PDIA6: variants seen among roughly 807,000 people sequenced by gnomAD.
PDIA6 encodes protein disulfide isomerase family A member 6.
A neutral mutation model predicts 58.4 loss-of-function variants in PDIA6; 29 were observed. The ratio of observed to expected loss-of-function variants is 0.50; its 90% CI spans 0.37 to 0.68. The LOEUF (loss-of-function observed/expected upper bound fraction) is 0.68. Ranked by LOEUF, PDIA6 falls within the 30% of genes least tolerant of loss-of-function variation. The pLI, the probability that PDIA6 is intolerant of heterozygous loss-of-function variation, is 0.00. For synonymous variants in PDIA6, 192 were observed against 202.6 expected, an observed-to-expected ratio of 0.95 and a Z score of 0.44; for missense variants, 480 against 551.0, an observed-to-expected ratio of 0.87 and a Z score of 1.29.
At position 10,812,744 on chromosome 2, in the gene PDIA6, C is replaced by T; in HGVS notation, c.-48G>A. ...GTCCCCACCGCCGCCGCCGCTTCAG[C>T]CCTGCAGCGTGCCGCACGCCGCGCC... On this transcript the variant is annotated 5_prime_UTR_variant, in exon 1 of 13. Coordinates refer to ENST00000272227, the MANE Select transcript of PDIA6 (RefSeq NM_005742.4). 6.9e-7 allele frequency: 1 copy of T among 1,446,642 alleles called. No homozygotes were observed. The highest frequency in any genetic ancestry group is 3.0e-5 in the East Asian group (1 of 33,088). 89.6% of individuals were successfully genotyped at this position (1,446,642 alleles called of 1,614,324 possible).
rs564022362 is a variant in PDIA6, at chr2:10,796,300, G to A, written c.346+781C>T. ...GATCTCCTGACCTCGTGATCCGCCC[G>A]TCTTGGCCTCCCAAAGTGCTGGGAT... On this transcript the variant is annotated intron_variant, in intron 4 of 12. Transcript: ENST00000272227. 2.0e-3 allele frequency among the ~76,000 whole-genome samples: 305 copies of A among 152,100 alleles called. 1 individual carries two copies. The highest frequency in any genetic ancestry group is 6.5e-3 in the African/African-American group (271 of 41,516).
chr2:10,800,767 A>T (rs1289293699), intron 2 of PDIA6, among the ~76,000 whole-genome samples: 2 of 151,878 alleles, frequency 1.3e-5, no homozygotes, highest in African/African-American at 2.4e-5. Flanking sequence ...CGTCTGGGTA[A>T]TTTGTTTCTT....
intron 2 of PDIA6, among the ~76,000 whole-genome samples, chr2:10,800,853 T>C (rs1734355): frequency 0.49 from 74,166 of 151,962 alleles, 19,645 homozygotes; most frequent in South Asian, 0.58. Flanking sequence ...TCAAGCAATT[T>C]ACCCACCGTG....
In PDIA6 at chr2:10,787,410, G is replaced by A. The variant is rs747925474; in HGVS notation, c.1028C>T (p.Ser343Phe). 1 of 1,613,950 alleles carries A rather than the reference G, an allele frequency of 6.2e-7. No individual in the cohort carries two copies. The highest frequency in any genetic ancestry group is 2.2e-5 in the East Asian group (1 of 44,872). Residue 343 changes from serine (S) to phenylalanine (F), a missense_variant, in exon 11 of 13, where the codon TCT becomes TTT. Physicochemically the swap from Ser to Phe is radical, Grantham distance 155. Coordinates refer to ENST00000272227, the MANE Select transcript of PDIA6 (RefSeq NM_005742.4). ...AATCCCCAACGCGGTCTCAAGTTCA[G>A]ACTGGGCTCCAGCTTCTGTCCACAG... ...GWLWTEAGAQ[S>F]ELETALGIGG...
intron 1 of PDIA6, among the ~76,000 whole-genome samples, chr2:10,824,715 A>C (rs1667501295): frequency 6.6e-6 from 1 of 152,258 alleles, no homozygotes; most frequent in South Asian, 2.1e-4. Flanking sequence ...GTCACGGAGA[A>C]ATGGAGACAA....
chr2:10,784,471 C>A (rs552175852), intron 12 of PDIA6, 145 bp from the exon 13 acceptor site: 3 of 590,748 alleles, frequency 5.1e-6, no homozygotes, highest in African/African-American at 1.9e-5. Context: ...CCCTGACCTT[C>A]GTACCTATGA....
upstream of PDIA6, among the ~76,000 whole-genome samples, chr2:10,834,607 T>C (rs1444839882): frequency 6.6e-6 from 1 of 151,932 alleles, no homozygotes; most frequent in African/African-American, 2.4e-5. Flanking sequence ...CAGGTCCTTC[T>C]TTGTTATGAA....
At position 10,819,903 on chromosome 2, in the gene PDIA6, G is replaced by A. The variant is rs184032507; in HGVS notation, c.-47-549C>T. Reference sequence around the variant, plus strand: ...GTGCCCTCTCTTGTTGCAGTGATCCGAGAAGCCCGCCTCTGCTGGTCTGCA... The same window carrying A: ...GTGCCCTCTCTTGTTGCAGTGATCCAAGAAGCCCGCCTCTGCTGGTCTGCA... On this transcript the variant is annotated intron_variant, in intron 1 of 13. Transcript: ENST00000381611. Among the ~76,000 whole-genome samples, 353 of 152,274 alleles carry A rather than the reference G, an allele frequency of 2.3e-3. 6 individuals are homozygous for A. The highest frequency in any genetic ancestry group is 5.6e-3 in the Admixed American group (85 of 15,292).
intron 10 of PDIA6, among the ~76,000 whole-genome samples, chr2:10,787,991 G>A (rs980786991): frequency 4.0e-5 from 6 of 151,448 alleles, no homozygotes; most frequent in South Asian, 2.1e-4. Flanking sequence ...TTTTGAACCC[G>A]GGAGGCGGAG....
At chr2:10,810,304 A>G in intron 1 of PDIA6, 1 of 1,534,874 alleles carries the variant, frequency 6.5e-7, no homozygotes, top group Non-Finnish European at 8.7e-7. Flanking sequence ...ATGCAGGGGT[A>G]TAATCCACAG....
At chr2:10,811,726 A>G (rs749383614) in intron 1 of PDIA6, among the ~76,000 whole-genome samples, 6 of 152,202 alleles carry the variant, frequency 3.9e-5, no homozygotes, top group Non-Finnish European at 7.4e-5. Context: ...CCCGGCAAGG[A>G]CAGGACCCTC....
chr2:10,785,561 C>T (rs1024733302), intron 11 of PDIA6, among the ~76,000 whole-genome samples: 5 of 152,020 alleles, frequency 3.3e-5, no homozygotes, highest in Admixed American at 3.3e-4. Flanking sequence ...TAGAGTTCAC[C>T]AAACAACTCA....
At chr2:10,786,401 C>G (rs181065525) in intron 11 of PDIA6, among the ~76,000 whole-genome samples, 1 of 152,082 alleles carries the variant, frequency 6.6e-6, no homozygotes, top group Non-Finnish European at 1.5e-5. Context: ...CAGTCTGCCC[C>G]CCGCCGGCAG....
upstream of PDIA6, among the ~76,000 whole-genome samples, chr2:10,813,007 C>T (rs1271352186): frequency 6.6e-6 from 1 of 152,142 alleles, no homozygotes. Context: ...GCAGTCTCGG[C>T]TCGCACCGCC....
intron 4 of PDIA6, 104 bp downstream of exon 4, chr2:10,796,977 C>T: frequency 1.1e-6 from 1 of 905,970 alleles, no homozygotes; most frequent in Non-Finnish European, 1.8e-6. Context: ...AATTCAGGTA[C>T]AATGAGGTTG....
chr2:10,822,373 C>T (rs1667423465), intron 1 of PDIA6, among the ~76,000 whole-genome samples: 1 of 151,630 alleles, frequency 6.6e-6, no homozygotes, highest in South Asian at 2.1e-4. Context: ...TGCCATTCTC[C>T]TTCCTCAGCC....
chr2:10,815,288 C>T (rs1558458520), upstream of PDIA6, among the ~76,000 whole-genome samples: 1 of 152,174 alleles, frequency 6.6e-6, no homozygotes, highest in Non-Finnish European at 1.5e-5. Flanking sequence ...ATTATACGAG[C>T]AACTGTCTCA....
Position 10,802,537 on chromosome 2 carries a change from C to A in PDIA6, c.123G>T (p.Gln41His). 2 of 1,476,498 alleles carry A rather than the reference C, an allele frequency of 1.4e-6. No individual in the cohort carries two copies. The highest frequency in any genetic ancestry group is 2.6e-5 in the East Asian group (1 of 38,974). The allele number at this position is 1,476,498 out of a possible 1,614,324, so 91.5% of individuals were successfully genotyped here. Residue 41 changes from glutamine to histidine, a missense_variant, in exon 2 of 13, where the codon CAG becomes CAT. Transcript: ENST00000272227. Reference sequence around the variant, plus strand: ...ATTCTACAAGCCACAAACTATCACTCTGAATAACTTCTCGGTTGAAATTCG... The same window carrying A: ...ATTCTACAAGCCACAAACTATCACTATGAATAACTTCTCGGTTGAAATTCG... ...TPSNFNREVI[Q>H]SDSLWLVEFY...
intron 4 of PDIA6, among the ~76,000 whole-genome samples, chr2:10,795,209 G>C (rs1286970955): frequency 2.0e-5 from 3 of 152,162 alleles, no homozygotes; most frequent in Non-Finnish European, 4.4e-5. Context: ...ACTGTCTATT[G>C]CAACTACTCA....
Sources: allele counts gnomAD v4.1 joint callset (sites outside exome capture counted in the v4.1 genomes callset), GRCh38; gene constraint gnomAD v4.1.1; transcripts MANE v1.5; gene names NCBI Gene and HGNC (gene_info 2026-07-23, HGNC 2026-07-21).